TJP3: variants seen among roughly 807,000 people sequenced by gnomAD.
TJP3 encodes tight junction protein ZO-3.
Under a neutral mutation model 104.2 loss-of-function variants are expected in TJP3, and 85 were observed. The ratio of observed to expected loss-of-function variants is 0.82; its 90% CI spans 0.68 to 0.98. The LOEUF is 0.98. Ranked by LOEUF, TJP3 falls within the 50% of genes least tolerant of loss-of-function variation. TJP3 has a pLI of 0.00. For missense variants in TJP3, 1,367 were observed against 1,322.8 expected (o/e 1.03, Z -0.52); for synonymous variants, 550 against 550.6 (o/e 1.00, Z 0.02).
rs770137544 is a variant in TJP3, at chr19:3,748,077, C to A, written c.2606C>A (p.Ala869Asp). 5.1e-6 allele frequency: 8 copies of A among 1,560,690 alleles called. No individual in the cohort carries two copies. The Admixed American group carries it at 1.5e-4, about 30-fold the overall frequency. The change falls in exon 19 of 21, where the codon GCC (alanine) becomes GAC (aspartate). Residue 869 changes from alanine to aspartate, a missense_variant. By Grantham distance (126) the Ala-to-Asp change is moderately radical. Coordinates refer to ENST00000541714, the MANE Select transcript of TJP3 (RefSeq NM_001267560.2). Reference protein sequence around the residue: ...DRGRISAHQGAQVDSRHPQGQ... With the variant: ...DRGRISAHQGDQVDSRHPQGQ... Reference sequence around the variant, plus strand: ...GGGAGAATCTCGGCTCATCAGGGGGCCCAGGTGCGTCGGACATGGGGGGCA... The same window carrying A: ...GGGAGAATCTCGGCTCATCAGGGGGACCAGGTGCGTCGGACATGGGGGGCA...
Position 3,746,351 on chromosome 19 carries a change from T to C in TJP3, c.2011-134T>C, listed in dbSNP as rs1182389214. The C allele has an allele frequency of 6.0e-6, 6 of 1,000,350 alleles. No homozygotes were observed. Among genetic ancestry groups the C allele is most frequent in the South Asian group, 1.6e-5 (1 of 61,988 alleles). 62.0% of individuals were successfully genotyped at this position (1,000,350 alleles called of 1,614,324 possible). A position where few individuals can be genotyped will look rare whatever the true frequency, so the allele number is the denominator to read the frequency against. On this transcript the variant is annotated intron_variant, in intron 16 of 20. Coordinates refer to ENST00000541714, the MANE Select transcript of TJP3 (RefSeq NM_001267560.2). The surrounding 1 kb of genome is among the most constrained non-coding windows in gnomAD (Gnocchi z 4.1). ...GCGACCTGGGCTGTTACCACCCCCATCCCCAACTTGCTAGCCTGTGGATGT... is the reference window on the plus strand; with the variant it reads ...GCGACCTGGGCTGTTACCACCCCCACCCCCAACTTGCTAGCCTGTGGATGT...
In TJP3 at chr19:3,728,922, G is replaced by A. The variant is rs143712840; in HGVS notation, c.158+209G>A. Among the ~76,000 whole-genome samples the A allele has an allele frequency of 1.7e-3, 258 of 152,240 alleles. 2 individuals carry two copies. The highest frequency in any genetic ancestry group is 5.7e-3 in the African/African-American group (238 of 41,542). On this transcript the variant is annotated intron_variant, in intron 3 of 20. Transcript: ENST00000541714. ...ACAAAAATTAGCGGGATGTGGTAGC[G>A]TGTTCCTGTAATCCCAGCTACTCGG...
intron 1 of TJP3, among the ~76,000 whole-genome samples, chr19:3,718,521 T>G (rs1241083891): frequency 1.3e-5 from 2 of 148,550 alleles, no homozygotes; most frequent in African/African-American, 5.0e-5. Context: ...CAGGCTGGAG[T>G]GCAGTGGCGC....
intron 1 of TJP3, among the ~76,000 whole-genome samples, chr19:3,709,476 CAG>C (rs1336397834): frequency 6.6e-6 from 1 of 152,120 alleles, no homozygotes; most frequent in African/African-American, 2.4e-5. Flanking sequence ...CGCTCAGAGC[CAG>C]AGAGGGGAGG....
intron 1 of TJP3, among the ~76,000 whole-genome samples, chr19:3,723,818 T>A (rs1303441837): frequency 2.5e-4 from 37 of 146,156 alleles, no homozygotes; most frequent in Non-Finnish European, 1.8e-4. Flanking sequence ...AATATATATA[T>A]ATATATATAT....
intron 9 of TJP3, 40 bp from the exon 10 acceptor site, chr19:3,735,829 G>C: frequency 6.2e-7 from 1 of 1,612,888 alleles, no homozygotes; most frequent in Non-Finnish European, 8.5e-7. Flanking sequence ...GCTGGACTGA[G>C]CCAGTGTGCT....
chr19:3,738,033 G>A lies in TJP3; in HGVS notation c.1285-522G>A, dbSNP rs1470100954. On this transcript the variant is annotated intron_variant, in intron 11 of 20. Coordinates refer to ENST00000541714, the MANE Select transcript of TJP3 (RefSeq NM_001267560.2). ...GTCCATGTCATGACCCTGAGAGCAG[G>A]TGGCTGTGTCTGTATATTGCTGTCC... Among the ~76,000 whole-genome samples the A allele has an allele frequency of 3.8e-4, 57 of 151,692 alleles. 1 individual carries two copies. Among genetic ancestry groups the A allele is most frequent in the African/African-American group, 1.2e-3 (49 of 41,062 alleles).
intron 8 of TJP3, among the ~76,000 whole-genome samples, chr19:3,735,322 C>A (rs750031909): frequency 6.6e-6 from 1 of 152,052 alleles, no homozygotes; most frequent in Non-Finnish European, 1.5e-5. Context: ...GCCTTAGCCT[C>A]CTGAGTAGCT....
rs563260649 is a variant in TJP3 at position 3,728,696 on chromosome 19, G to T, written c.141G>T (p.Pro47=). ...MVVSDVVPGG[P]AEGRLQTGDH... ...TATCTGACGTGGTACCTGGAGGGCC[G>T]GCGGAGGGCAGGCTACAGTGAGTAT... Residue 47 remains proline, a synonymous_variant, in exon 3 of 21, where the codon CCG becomes CCT. Transcript: ENST00000541714. 5.5e-5 allele frequency: 88 copies of T among 1,613,612 alleles called. 1 individual carries two copies. The South Asian group carries it at 6.3e-4, about 12-fold the overall frequency.
chr19:3,740,822 T>C, intron 14 of TJP3, 59 bp downstream of exon 14: 1 of 1,429,828 alleles, frequency 7.0e-7, no homozygotes, highest in South Asian at 1.5e-5. Context: ...CTGGTGCACC[T>C]GTTCACTAAC....
intron 14 of TJP3, 68 bp from the exon 15 acceptor site, chr19:3,743,871 T>C: frequency 1.4e-6 from 2 of 1,455,062 alleles, no homozygotes; most frequent in Middle Eastern, 1.7e-4. Flanking sequence ...GAGGGGTTTG[T>C]ACAACACACT....
intron 1 of TJP3, among the ~76,000 whole-genome samples, chr19:3,727,195 C>G (rs2036606974): frequency 6.6e-6 from 1 of 151,724 alleles, no homozygotes; most frequent in Non-Finnish European, 1.5e-5. Flanking sequence ...TGAGATAGTA[C>G]ATGTAAGGCT....
At chr19:3,739,714 C>G (rs1222033496) in intron 13 of TJP3, among the ~76,000 whole-genome samples, 4 of 152,096 alleles carry the variant, frequency 2.6e-5, no homozygotes, top group African/African-American at 7.2e-5. Flanking sequence ...AGGCCTGGGC[C>G]CTCCCAGAGG....
chr19:3,745,991 G>T lies in TJP3; in HGVS notation c.1940-20G>T, dbSNP rs1473182511. On this transcript the variant is annotated intron_variant, in intron 15 of 20. Coordinates refer to ENST00000541714, the MANE Select transcript of TJP3 (RefSeq NM_001267560.2). ...GGGGGCTGCCCTCCTGAAGCTGCTG[G>T]TCCTCTCTGCCGTCCACAGAGACTG... 26 of 1,586,316 alleles carry T rather than the reference G, an allele frequency of 1.6e-5. No individual in the cohort carries two copies. Among genetic ancestry groups the T allele is most frequent in the Non-Finnish European group, 1.9e-5 (22 of 1,164,872 alleles).
chr19:3,729,624 A>C (rs1369972248), intron 3 of TJP3, among the ~76,000 whole-genome samples: 1 of 151,914 alleles, frequency 6.6e-6, no homozygotes, highest in Non-Finnish European at 1.5e-5. Flanking sequence ...CTACTAACAA[A>C]TACAAAAATT....
Position 3,728,732 on chromosome 19 carries a change from G to C in TJP3, c.158+19G>C, listed in dbSNP as rs773774957. 2.9e-5 allele frequency: 47 copies of C among 1,611,026 alleles called. No individual in the cohort carries two copies. Among genetic ancestry groups the C allele is most frequent in the Non-Finnish European group, 3.9e-5 (46 of 1,179,168 alleles). The stretch of plus-strand genomic sequence containing the variant: ...GGCTACAGTGAGTATCCAGGCAGCT[G>C]GGTTCTGGCGGGGGAGGGCACGTGG... On this transcript the variant is annotated intron_variant, in intron 3 of 20. Coordinates refer to ENST00000541714, the MANE Select transcript of TJP3 (RefSeq NM_001267560.2).
At chr19:3,726,584 GT>G (rs1273196790) in intron 1 of TJP3, among the ~76,000 whole-genome samples, 1 of 147,886 alleles carries the variant, frequency 6.8e-6, no homozygotes, top group African/African-American at 2.5e-5. Flanking sequence ...CAGCAACAGA[GT>G]TTTTTTTGTT....
In TJP3 at chr19:3,736,878, C is replaced by CT. The variant is rs35482912; in HGVS notation, c.1284+576dup. Reference sequence around the variant, plus strand: ...GGCATGAGCCACTGCGCCTGGCTAACTTTTTTTTTTTTTTTTTTTGAGATA... The same window carrying CT: ...GGCATGAGCCACTGCGCCTGGCTAACTTTTTTTTTTTTTTTTTTTTGAGATA... On this transcript the variant is annotated intron_variant, in intron 11 of 20. Coordinates refer to ENST00000541714, the MANE Select transcript of TJP3 (RefSeq NM_001267560.2). Among the ~76,000 whole-genome samples, 130 of 111,680 alleles carry CT rather than the reference C, an allele frequency of 1.2e-3. 1 individual carries two copies. Among genetic ancestry groups the CT allele is most frequent in the East Asian group, 9.8e-3 (37 of 3,782 alleles). 73.3% of individuals were successfully genotyped at this position (111,680 alleles called of 152,430 possible).
chr19:3,716,010 C>T (rs2036473758), intron 1 of TJP3, among the ~76,000 whole-genome samples: 1 of 151,786 alleles, frequency 6.6e-6, no homozygotes, highest in Non-Finnish European at 1.5e-5. Context: ...AACTCCTGAC[C>T]TCACGTGATC....
Sources: gnomAD v4.1 joint callset for allele counts (sites outside exome capture counted in the v4.1 genomes callset) on GRCh38, gnomAD v4.1.1 for gene constraint, Gnocchi (gnomAD v3.1) non-coding constraint, MANE v1.5 for transcripts, NCBI Gene and HGNC (gene_info 2026-07-23, HGNC 2026-07-21) for gene names.